The following KCTD8 variants were observed in gnomAD, a reference collection of about 807,000 sequenced individuals.
KCTD8 encodes BTB/POZ domain-containing protein KCTD8.
A neutral mutation model predicts 31.5 loss-of-function variants in KCTD8; 27 were observed. The observed-to-expected ratio is 0.86, with a 90% confidence interval of 0.63 to 1.18. KCTD8 has a LOEUF of 1.18. KCTD8 is among the 50% of genes most tolerant of loss of function. The pLI, the probability that KCTD8 is intolerant of heterozygous loss-of-function variation, is 0.00. For synonymous variants in KCTD8, 290 were observed against 280.0 expected, an observed-to-expected ratio of 1.04 and a Z score of -0.36; for missense variants, 658 against 647.7, an observed-to-expected ratio of 1.02 and a Z score of -0.17.
chr4:44,286,618 G>T (rs2109382361), intron 1 of KCTD8, among the ~76,000 whole-genome samples: 1 of 152,196 alleles, frequency 6.6e-6, no homozygotes, highest in Admixed American at 6.6e-5. Context: ...GAAGAAAAGG[G>T]CCAATAACAG....
At chr4:44,237,601 C>A (rs1715331035) in intron 1 of KCTD8, among the ~76,000 whole-genome samples, 1 of 152,192 alleles carries the variant, frequency 6.6e-6, no homozygotes, top group Non-Finnish European at 1.5e-5. Context: ...ACTCACATAT[C>A]ATTTCAACTG....
At chr4:44,178,291 A>G (rs112475157) in intron 1 of KCTD8, among the ~76,000 whole-genome samples, 6 of 152,128 alleles carry the variant, frequency 3.9e-5, no homozygotes, top group African/African-American at 1.2e-4. Context: ...TTGAATGTGC[A>G]TATGTCATAT....
Position 44,430,060 on chromosome 4 carries a change from A to G in KCTD8, c.961+17503T>C, listed in dbSNP as rs554526194. On this transcript the variant is annotated intron_variant, in intron 1 of 1. Transcript: ENST00000360029. ...AAAAAAACACAAAAAATAAAGTTAT[A>G]CTAAGAATGTACTGTTAAAATTAGA... Among the ~76,000 whole-genome samples, 3 of 151,916 alleles carry G rather than the reference A, an allele frequency of 2.0e-5. No individual in the cohort carries two copies. The South Asian group carries it at 6.2e-4, about 31-fold the overall frequency.
At chr4:44,313,852 T>C (rs1425032426) in intron 1 of KCTD8, among the ~76,000 whole-genome samples, 1 of 152,128 alleles carries the variant, frequency 6.6e-6, no homozygotes, top group Non-Finnish European at 1.5e-5. Flanking sequence ...CAAGCAGGGA[T>C]GTGAGGAAAG....
At chr4:44,348,557 C>G (rs373289591) in intron 1 of KCTD8, among the ~76,000 whole-genome samples, 133 of 152,144 alleles carry the variant, frequency 8.7e-4, no homozygotes, top group African/African-American at 3.0e-3. Context: ...ATATGTGTGT[C>G]TTCACTACTG....
intron 1 of KCTD8, among the ~76,000 whole-genome samples, chr4:44,255,124 C>T (rs993386067): frequency 1.3e-5 from 2 of 151,830 alleles, no homozygotes; most frequent in Non-Finnish European, 2.9e-5. Context: ...TGCACCCTGC[C>T]TATGATGATA....
intron 1 of KCTD8, among the ~76,000 whole-genome samples, chr4:44,252,052 T>A (rs1715853189): frequency 6.6e-6 from 1 of 151,732 alleles, no homozygotes; most frequent in Admixed American, 6.6e-5. Flanking sequence ...CACTGTATGA[T>A]TCTTATGCCT....
At chr4:44,291,216 A>G (rs1416697554) in intron 1 of KCTD8, among the ~76,000 whole-genome samples, 1 of 152,146 alleles carries the variant, frequency 6.6e-6, no homozygotes, top group Non-Finnish European at 1.5e-5. Flanking sequence ...TAGAGGAAAT[A>G]GATACATTCC....
chr4:44,435,921 C>A lies in KCTD8; in HGVS notation c.961+11642G>T, dbSNP rs377507011. 3.3e-5 allele frequency among the ~76,000 whole-genome samples: 5 copies of A among 152,188 alleles called. No individual in the cohort carries two copies. The East Asian group carries it at 7.7e-4, about 24-fold the overall frequency. On this transcript the variant is annotated intron_variant, in intron 1 of 1. Coordinates refer to ENST00000360029, the MANE Select transcript of KCTD8 (RefSeq NM_198353.3). ...CTTAAGCATTTGCCCTGCCTTTCCT[C>A]TGTGAACAATATTTTAAGCAGTTCT...
chr4:44,356,837 T>C (rs1022445623), intron 1 of KCTD8, among the ~76,000 whole-genome samples: 62 of 152,152 alleles, frequency 4.1e-4, no homozygotes, highest in Non-Finnish European at 3.1e-4. Flanking sequence ...TCCATTTCTG[T>C]CTCAGACACC....
intron 1 of KCTD8, among the ~76,000 whole-genome samples, chr4:44,297,795 A>G (rs958658117): frequency 6.6e-6 from 1 of 152,184 alleles, no homozygotes; most frequent in African/African-American, 2.4e-5. Context: ...TGAATTTGCA[A>G]CTTACATGAA....
chr4:44,429,505 A>C (rs1721421612), intron 1 of KCTD8, among the ~76,000 whole-genome samples: 1 of 151,820 alleles, frequency 6.6e-6, no homozygotes, highest in South Asian at 2.1e-4. Context: ...TGAGGACAAC[A>C]AGCCAAATTG....
At chr4:44,266,686 A>G (rs1307815053) in intron 1 of KCTD8, among the ~76,000 whole-genome samples, 24 of 151,050 alleles carry the variant, frequency 1.6e-4, no homozygotes, top group Non-Finnish European at 3.3e-4. Context: ...TCAAAATAAA[A>G]GGATGGAGGA....
chr4:44,409,652 G>A (rs544165754), intron 1 of KCTD8, among the ~76,000 whole-genome samples: 2 of 151,892 alleles, frequency 1.3e-5, no homozygotes, highest in South Asian at 4.1e-4. Context: ...AAAGGTCACT[G>A]AACTAGTAAT....
At chr4:44,420,086 C>A (rs1235780711) in intron 1 of KCTD8, among the ~76,000 whole-genome samples, 1 of 149,974 alleles carries the variant, frequency 6.7e-6, no homozygotes, top group Admixed American at 6.7e-5. Flanking sequence ...ACAAAATCAA[C>A]AAACTAAAGA....
chr4:44,416,534 G>A (rs1158626781), intron 1 of KCTD8, among the ~76,000 whole-genome samples: 2 of 152,134 alleles, frequency 1.3e-5, no homozygotes, highest in Non-Finnish European at 2.9e-5. Flanking sequence ...TTTGATCATA[G>A]GGGCGGATCT....
At chr4:44,439,904 A>T (rs902401111) in intron 1 of KCTD8, among the ~76,000 whole-genome samples, 12 of 106,988 alleles carry the variant, frequency 1.1e-4, no homozygotes, top group African/African-American at 8.4e-4. Flanking sequence ...ATTTATTTTT[A>T]TTTATTTATT....
intron 1 of KCTD8, among the ~76,000 whole-genome samples, chr4:44,176,299 A>G (rs549430336): frequency 1.3e-5 from 2 of 152,292 alleles, no homozygotes; most frequent in South Asian, 2.1e-4. Flanking sequence ...CAACTGGTCT[A>G]ATTTCGGGGG....
chr4:44,413,405 C>T (rs1721002819), intron 1 of KCTD8, among the ~76,000 whole-genome samples: 1 of 152,118 alleles, frequency 6.6e-6, no homozygotes, highest in African/African-American at 2.4e-5. Context: ...TCCCTGTTCC[C>T]CTAGACGGAA....
Sources: gnomAD v4.1 joint callset for allele counts (sites outside exome capture counted in the v4.1 genomes callset) on GRCh38, gnomAD v4.1.1 for gene constraint, MANE v1.5 for transcripts, NCBI Gene and HGNC (gene_info 2026-07-23, HGNC 2026-07-21) for gene names.